CDH8: variants seen among roughly 807,000 people sequenced by gnomAD.
CDH8 encodes the protein cadherin 8, also known as cadherin-8.
In CDH8, 17 loss-of-function variants were observed where a neutral mutation model predicts 68.1. The observed-to-expected ratio is 0.25, with a 90% CI of 0.17 to 0.37. The LOEUF is 0.37. Among genes scored for constraint, CDH8 ranks in the 10% least tolerant of loss-of-function variants. The probability of loss-of-function intolerance (pLI) is 1.00; values close to 1 mark genes in which losing one functional copy is unlikely to be tolerated. For missense variants in CDH8, 763 were observed against 999.3 expected, an observed-to-expected ratio of 0.76 and a Z score of 3.19; for synonymous variants, 372 against 365.1, an observed-to-expected ratio of 1.02 and a Z score of -0.21.
chr16:61,756,939 C>A lies in CDH8; in HGVS notation c.1415-29724G>T, dbSNP rs552604727. ...TCTCCAGTAAGCTGGCCCCTATAGACCCCTGCAGTTTAGTAATTTAGACTC... is the reference window on the plus strand; with the variant it reads ...TCTCCAGTAAGCTGGCCCCTATAGAACCCTGCAGTTTAGTAATTTAGACTC... On this transcript the variant is annotated intron_variant, in intron 8 of 11. Coordinates refer to ENST00000577390, the MANE Select transcript of CDH8 (RefSeq NM_001796.5). Among the ~76,000 whole-genome samples, 64 of 152,238 alleles carry A rather than the reference C, an allele frequency of 4.2e-4. No homozygotes were observed. In the South Asian group the frequency reaches 6.9e-3, roughly 16 times the overall value.
At chr16:61,777,970 C>T (rs895403107) in intron 8 of CDH8, among the ~76,000 whole-genome samples, 5 of 152,050 alleles carry the variant, frequency 3.3e-5, no homozygotes, top group Admixed American at 1.3e-4. Context: ...ACATTGATCT[C>T]CAGCTTTGAG....
intron 4 of CDH8, among the ~76,000 whole-genome samples, chr16:61,831,333 T>C (rs1962449674): frequency 6.6e-6 from 1 of 151,806 alleles, no homozygotes; most frequent in African/African-American, 2.4e-5. Context: ...AAAAGGAGGA[T>C]CATCTTGTTT....
At chr16:61,726,509 A>G (rs1201231601) in intron 9 of CDH8, 1 of 127,100 alleles carries the variant, frequency 7.9e-6, no homozygotes, top group East Asian at 2.3e-4. Context: ...CACTTTCTTT[A>G]TGTTTCTTTT....
At chr16:61,969,544 T>A (rs16964108) in intron 2 of CDH8, among the ~76,000 whole-genome samples, 18,414 of 152,212 alleles carry the variant, frequency 0.12, 1,630 homozygotes, top group African/African-American at 0.24. Flanking sequence ...TATCAGACAA[T>A]CATCCAAATA....
chr16:61,927,888 A>G (rs1188487339), intron 2 of CDH8, among the ~76,000 whole-genome samples: 1 of 152,174 alleles, frequency 6.6e-6, no homozygotes, highest in Admixed American at 6.5e-5. Flanking sequence ...TTTGAAAATC[A>G]TTGCTGTGGA....
intron 4 of CDH8, among the ~76,000 whole-genome samples, chr16:61,845,659 A>C (rs2143009990): frequency 6.6e-6 from 1 of 152,222 alleles, no homozygotes; most frequent in East Asian, 1.9e-4. Context: ...TCATAATAAA[A>C]CTATCACACT....
At chr16:61,767,905 G>A (rs1266344404) in intron 8 of CDH8, among the ~76,000 whole-genome samples, 2 of 151,166 alleles carry the variant, frequency 1.3e-5, no homozygotes, top group South Asian at 2.1e-4. Context: ...ATTATTTGCT[G>A]CAAAGTCTTT....
chr16:61,722,159 C>G (rs2142883738), intron 9 of CDH8, among the ~76,000 whole-genome samples: 1 of 150,904 alleles, frequency 6.6e-6, no homozygotes, highest in Non-Finnish European at 1.5e-5. Context: ...CAGGTATCTT[C>G]CATTCTTCTA....
Position 61,902,308 on chromosome 16 carries a change from G to T in CDH8, c.253-835C>A, listed in dbSNP as rs186435009. Among the ~76,000 whole-genome samples the T allele has an allele frequency of 1.5e-4, 23 of 152,092 alleles. No homozygotes were observed. The East Asian group carries it at 4.3e-3, about 28-fold the overall frequency. ...GCAAATAGTCTGCCTAAAACATTTTGGTAGGTACCAGGGAAAACAGAATCC... is the reference window on the plus strand; with the variant it reads ...GCAAATAGTCTGCCTAAAACATTTTTGTAGGTACCAGGGAAAACAGAATCC... On this transcript the variant is annotated intron_variant, in intron 2 of 11. Coordinates refer to ENST00000577390, the MANE Select transcript of CDH8 (RefSeq NM_001796.5).
chr16:61,745,000 C>T (rs1188657620), intron 8 of CDH8, among the ~76,000 whole-genome samples: 1 of 149,334 alleles, frequency 6.7e-6, no homozygotes, highest in African/African-American at 2.4e-5. Flanking sequence ...TCTATATTAT[C>T]ATATTGCCAT....
chr16:61,807,880 C>T (rs1961833203), intron 7 of CDH8, among the ~76,000 whole-genome samples: 1 of 152,188 alleles, frequency 6.6e-6, no homozygotes, highest in African/African-American at 2.4e-5. Context: ...GCTCTTGCTC[C>T]TTTCCTTTCA....
chr16:61,959,332 T>C (rs888947476), intron 2 of CDH8, among the ~76,000 whole-genome samples: 2 of 152,126 alleles, frequency 1.3e-5, no homozygotes, highest in Middle Eastern at 6.8e-3. Context: ...ATAAAGGGTG[T>C]TTTCCTTTCT....
intron 7 of CDH8, among the ~76,000 whole-genome samples, chr16:61,811,677 G>A (rs1426041295): frequency 1.3e-5 from 2 of 152,172 alleles, no homozygotes; most frequent in African/African-American, 4.8e-5. Flanking sequence ...AGAAAATGTG[G>A]TATAGAGAGA....
intron 8 of CDH8, among the ~76,000 whole-genome samples, chr16:61,749,981 G>T (rs1366800261): frequency 6.6e-6 from 1 of 152,070 alleles, no homozygotes; most frequent in Non-Finnish European, 1.5e-5. Flanking sequence ...TGATGCTGAG[G>T]TTTGGGGTAT....
chr16:61,807,986 T>C (rs954134182), intron 7 of CDH8, among the ~76,000 whole-genome samples: 2 of 152,208 alleles, frequency 1.3e-5, no homozygotes, highest in African/African-American at 4.8e-5. Context: ...ATATGTGTAA[T>C]TCAGGGAGTT....
rs139328058 is a variant in CDH8, at chr16:61,960,321, G to A, written c.253-58848C>T. Among the ~76,000 whole-genome samples, 77 of 46,672 alleles carry A rather than the reference G, an allele frequency of 1.6e-3. 11 individuals are homozygous for A. In the East Asian group the frequency reaches 0.019, roughly 12 times the overall value. The allele number at this position is 46,672 out of a possible 152,430, so 30.6% of individuals were successfully genotyped here. A position where few individuals can be genotyped will look rare whatever the true frequency, so the allele number is the denominator to read the frequency against. On this transcript the variant is annotated intron_variant, in intron 2 of 11. Coordinates refer to ENST00000577390, the MANE Select transcript of CDH8 (RefSeq NM_001796.5). ...TGTGTGTGTATACACACATATATAC[G>A]TGTGTGTGTATACACACATATATAC...
At chr16:62,014,167 T>C (rs1901882861) in intron 2 of CDH8, among the ~76,000 whole-genome samples, 1 of 152,188 alleles carries the variant, frequency 6.6e-6, no homozygotes, top group African/African-American at 2.4e-5. Context: ...CATGTGCATG[T>C]GTGTGCATGT....
intron 2 of CDH8, among the ~76,000 whole-genome samples, chr16:61,973,811 A>G (rs1031734542): frequency 2.0e-5 from 3 of 152,258 alleles, no homozygotes; most frequent in Admixed American, 6.5e-5. Flanking sequence ...TTGCAAATCG[A>G]TATCCAGTCA....
intron 1 of CDH8, among the ~76,000 whole-genome samples, chr16:62,022,027 ATTCT>A (rs904149957): frequency 4.6e-5 from 7 of 151,502 alleles, no homozygotes; most frequent in African/African-American, 1.7e-4. Context: ...TAGGCCTTTT[ATTCT>A]TTCTTTCTTT....
Sources: gnomAD v4.1 joint callset for allele counts (sites outside exome capture counted in the v4.1 genomes callset) on GRCh38, gnomAD v4.1.1 for gene constraint, MANE v1.5 for transcripts, NCBI Gene and HGNC (gene_info 2026-07-23, HGNC 2026-07-21) for gene names.